The following ITGA6 variants were observed in gnomAD, a reference collection of about 807,000 sequenced individuals.
The protein encoded by ITGA6 is integrin alpha-6.
In ITGA6, 63 loss-of-function variants were observed where a neutral mutation model predicts 133.6. That is an observed-to-expected ratio of 0.47 (90% CI 0.38 to 0.58). ITGA6 has a LOEUF of 0.58. ITGA6 is among the 20% of genes least tolerant of loss of function. The probability of loss-of-function intolerance (pLI) is 0.00; values close to 1 mark genes in which losing one functional copy is unlikely to be tolerated. For missense variants in ITGA6, 1,068 were observed against 1,309.4 expected (o/e 0.82, Z 2.85); for synonymous variants, 434 against 482.0 (o/e 0.90, Z 1.30).
intron 1 of ITGA6, among the ~76,000 whole-genome samples, chr2:172,455,069 G>A (rs1315295883): frequency 1.3e-5 from 2 of 152,248 alleles, no homozygotes; most frequent in African/African-American, 4.8e-5. Context: ...ATGCAGCCAA[G>A]TGAGACCTGG....
chr2:172,496,854 T>C (rs1687147911), intron 23 of ITGA6, among the ~76,000 whole-genome samples: 1 of 152,220 alleles, frequency 6.6e-6, no homozygotes, highest in African/African-American at 2.4e-5. Flanking sequence ...AGCAGCTTTT[T>C]AGGTTTCTGA....
chr2:172,432,493 C>T (rs1275988790), intron 1 of ITGA6, among the ~76,000 whole-genome samples: 1 of 152,254 alleles, frequency 6.6e-6, no homozygotes, highest in East Asian at 1.9e-4. Context: ...TAACCTGTGA[C>T]ATCAACTCTT....
chr2:172,486,709 C>T (rs1686694638), intron 13 of ITGA6, among the ~76,000 whole-genome samples: 1 of 152,116 alleles, frequency 6.6e-6, no homozygotes, highest in Middle Eastern at 3.2e-3. Flanking sequence ...GAAACTTGGA[C>T]TCTGAAAGGT....
intron 9 of ITGA6, among the ~76,000 whole-genome samples, chr2:172,479,179 A>G (rs1157225649): frequency 6.6e-6 from 1 of 152,220 alleles, no homozygotes; most frequent in Admixed American, 6.5e-5. Flanking sequence ...AAAACAGTGA[A>G]CTAGATCTAT....
At chr2:172,495,465 A>AT (rs1211048858) in intron 23 of ITGA6, 1 of 152,216 alleles carries the variant, frequency 6.6e-6, no homozygotes, top group African/African-American at 2.4e-5. Flanking sequence ...ATCTTTGGTC[A>AT]CCTGGCTCTA....
chr2:172,484,986 A>G (rs1255897903), intron 12 of ITGA6, 44 bp downstream of exon 12: 1 of 1,604,530 alleles, frequency 6.2e-7, no homozygotes, highest in African/African-American at 1.3e-5. Flanking sequence ...AAGAGGACAG[A>G]AAAAGGTTAT....
At chr2:172,497,841 A>G in intron 23 of ITGA6, 134 bp from the exon 24 acceptor site, 1 of 854,354 alleles carries the variant, frequency 1.2e-6, no homozygotes, top group South Asian at 1.3e-5. Flanking sequence ...AGGATCTTGC[A>G]TCAGAAAGTC....
chr2:172,494,333 C>T (rs1444548894), intron 23 of ITGA6, among the ~76,000 whole-genome samples: 2 of 152,016 alleles, frequency 1.3e-5, no homozygotes, highest in African/African-American at 4.8e-5. Flanking sequence ...ATAGCAAAAC[C>T]CCATCTCTAC....
chr2:172,496,113 T>C (rs984668843), intron 23 of ITGA6, among the ~76,000 whole-genome samples: 1 of 152,240 alleles, frequency 6.6e-6, no homozygotes. Flanking sequence ...TTTGGTTTGT[T>C]TCATTGTAGT....
intron 3 of ITGA6, 82 bp from the exon 4 acceptor site, chr2:172,469,043 A>G: frequency 7.0e-7 from 1 of 1,438,440 alleles, no homozygotes; most frequent in Non-Finnish European, 9.8e-7. Flanking sequence ...TAACCTCTGT[A>G]TTGACCATTT....
chr2:172,442,901 CCAT>C (rs908943102), intron 1 of ITGA6, among the ~76,000 whole-genome samples: 2 of 152,012 alleles, frequency 1.3e-5, no homozygotes, highest in Non-Finnish European at 2.9e-5. Flanking sequence ...CTCACTATCT[CCAT>C]CATTTTCTCT....
At chr2:172,487,831 A>C in intron 17 of ITGA6, 24 bp downstream of exon 17, 1 of 1,540,076 alleles carries the variant, frequency 6.5e-7, no homozygotes. Flanking sequence ...CAACCTCTCC[A>C]TTCAGAATTA....
chr2:172,446,996 C>G (rs1373836624), intron 1 of ITGA6, among the ~76,000 whole-genome samples: 4 of 152,100 alleles, frequency 2.6e-5, no homozygotes, highest in Non-Finnish European at 5.9e-5. Context: ...CACCCAGGTC[C>G]AAGCGATTCT....
chr2:172,476,651 A>C, intron 9 of ITGA6, 138 bp downstream of exon 9: 1 of 677,368 alleles, frequency 1.5e-6, no homozygotes, highest in Non-Finnish European at 2.7e-6. Context: ...TTTTCTTTTG[A>C]AGTTAGTAAA....
At chr2:172,427,575 C>G, upstream of ITGA6, 1 of 1,243,494 alleles carries the variant, frequency 8.0e-7, no homozygotes, top group Non-Finnish European at 1.0e-6. Flanking sequence ...GCCTGCGAGT[C>G]TCCAGAGAAC....
At chr2:172,468,856 C>T (rs912547360) in intron 3 of ITGA6, 3 of 401,280 alleles carry the variant, frequency 7.5e-6, no homozygotes, top group Non-Finnish European at 9.1e-6. Context: ...AATAAATTGC[C>T]TATGGATACA....
rs1450578054 is a variant in ITGA6, at chr2:172,491,328, A to G, written c.2886A>G (p.Leu962=). The G allele has an allele frequency of 1.2e-6, 2 of 1,604,240 alleles. No individual in the cohort carries two copies. The highest frequency in any genetic ancestry group is 2.2e-5 in the South Asian group (2 of 90,880). ...LRSRLWNSTF[L]EEYSKLNYLD... ...CGAGGTTATGGAACAGCACATTTCTAGAGGTATGACCTTGGCTTGAGGCTG... is the reference window on the plus strand; with the variant it reads ...CGAGGTTATGGAACAGCACATTTCTGGAGGTATGACCTTGGCTTGAGGCTG... The change falls in exon 22 of 26, where the codon CTA becomes CTG. Residue 962 remains leucine, a synonymous_variant. Coordinates refer to ENST00000684293, the MANE Select transcript of ITGA6 (RefSeq NM_000210.4). This position sits in a 1 kb window ranked among gnomAD's most constrained non-coding sequence, Gnocchi z 4.4.
upstream of ITGA6, chr2:172,427,464 C>G: frequency 1.9e-6 from 2 of 1,059,318 alleles, no homozygotes; most frequent in Non-Finnish European, 2.3e-6. Context: ...GACGCCAGAG[C>G]CGGCGGGTAA....
In ITGA6 at chr2:172,474,268, G is replaced by A. The variant is rs369277303; in HGVS notation, c.986+3G>A. On this transcript the variant is annotated splice_donor_region_variant and intron_variant, in intron 6 of 25. Transcript: ENST00000684293. ...GTGGTGGACCTCAACAAGGATGGGT[G>A]AGAAAGCCTCAGGTTATATTATGCT... 3.0e-4 allele frequency: 486 copies of A among 1,612,516 alleles called. No individual in the cohort carries two copies. The highest frequency in any genetic ancestry group is 4.0e-4 in the Non-Finnish European group (469 of 1,178,840).
Sources: gnomAD v4.1 joint callset for allele counts (sites outside exome capture counted in the v4.1 genomes callset) on GRCh38, gnomAD v4.1.1 for gene constraint, Gnocchi (gnomAD v3.1) non-coding constraint, MANE v1.5 for transcripts, NCBI Gene and HGNC (gene_info 2026-07-23, HGNC 2026-07-21) for gene names.